NUGGC: variants seen among roughly 807,000 people sequenced by gnomAD.
NUGGC encodes the protein nuclear GTPase SLIP-GC.
A neutral mutation model predicts 92.6 loss-of-function variants in NUGGC; 58 were observed. The observed-to-expected ratio is 0.63, with a 90% CI of 0.51 to 0.78. The LOEUF (loss-of-function observed/expected upper bound fraction) is 0.78. Among genes scored for constraint, NUGGC ranks in the 30% least tolerant of loss-of-function variants. The pLI is 0.00. For missense variants in NUGGC, 925 were observed against 964.6 expected (o/e 0.96, Z 0.54); for synonymous variants, 376 against 366.4 (o/e 1.03, Z -0.30).
chr8:28,031,827 T>C (rs1809424875), intron 14 of NUGGC, among the ~76,000 whole-genome samples: 1 of 152,240 alleles, frequency 6.6e-6, no homozygotes, highest in African/African-American at 2.4e-5. Flanking sequence ...AGCACAGTCG[T>C]TTCAGAATAT....
Position 28,023,455 on chromosome 8 carries a change from C to T in NUGGC, c.2253G>A (p.Gly751=). ...DGLYKELADV[G]SEYKEMEKLH... ...GCTTCTCCATCTCCTTGTATTCACT[C>T]CCGACATCTACAGGAGAGCAGAAAG... is the stretch of plus-strand genomic sequence containing the variant. The change falls in exon 19 of 19, where the codon GGG becomes GGA. Residue 751 remains glycine, a synonymous_variant. Transcript: ENST00000413272. 1 of 1,613,468 alleles carries T rather than the reference C, an allele frequency of 6.2e-7. No individual in the cohort carries two copies. The highest frequency in any genetic ancestry group is 8.5e-7 in the Non-Finnish European group (1 of 1,179,642).
rs1283156957 is a variant in NUGGC at position 28,067,711 on chromosome 8, G to A, written c.514C>T (p.Leu172Phe). ...CTCAGCTCCTCCGTCCTATGCAGGA[G>A]TTTGGTCAGGTTCTTCAGCTCCTCC... ...WREELKNLTK[L>F]LHRTEELSRE... is the part of the protein sequence containing the mutation. Residue 172 changes from leucine to phenylalanine, a missense_variant, in exon 6 of 19, where the codon CTC becomes TTC. By Grantham distance (22) the Leu-to-Phe change is conservative. Transcript: ENST00000413272. The A allele has an allele frequency of 6.2e-7, 1 of 1,613,828 alleles. No homozygotes were observed.
At chr8:28,041,023 C>CT (rs758791472) in intron 13 of NUGGC, 28 bp downstream of exon 13, 4 of 1,574,784 alleles carry the variant, frequency 2.5e-6, no homozygotes, top group Non-Finnish European at 3.5e-6. Flanking sequence ...CCTGGAATAT[C>CT]TGAGTTTTCC....
intron 1 of NUGGC, among the ~76,000 whole-genome samples, chr8:28,075,858 T>A (rs1025496021): frequency 4.6e-5 from 7 of 152,114 alleles, no homozygotes; most frequent in African/African-American, 1.7e-4. Context: ...TCTCCCTTCC[T>A]CCCCTCTGCA....
At chr8:28,023,744 C>A (rs1430694560) in intron 18 of NUGGC, among the ~76,000 whole-genome samples, 1 of 152,150 alleles carries the variant, frequency 6.6e-6, no homozygotes, top group Non-Finnish European at 1.5e-5. Flanking sequence ...AAGCATGTTG[C>A]ACAATAACAC....
chr8:28,049,319 A>C (rs538855370), intron 10 of NUGGC, among the ~76,000 whole-genome samples: 1 of 152,190 alleles, frequency 6.6e-6, no homozygotes, highest in South Asian at 2.1e-4. Context: ...TTGAGTTTTC[A>C]CTCTAGGAAA....
In NUGGC at chr8:28,057,007, G is replaced by A. The variant is rs568898672; in HGVS notation, c.1117-953C>T. 8.9e-4 allele frequency among the ~76,000 whole-genome samples: 136 copies of A among 152,278 alleles called. No individual in the cohort carries two copies. In the Middle Eastern group the frequency reaches 0.01, roughly 11 times the overall value. On this transcript the variant is annotated intron_variant, in intron 9 of 18. Transcript: ENST00000413272. ...GTGAACAACTGCTCCAGTAAATTGC[G>A]TATGGCAATAAAAAGTGAGCTCTTG...
rs374100228 is a variant in NUGGC at position 28,030,393 on chromosome 8, T to C, written c.1934A>G (p.Glu645Gly). The change falls in exon 16 of 19, where the codon GAG (glutamate) becomes GGG (glycine). Residue 645 changes from glutamate (E) to glycine (G), a missense_variant. Coordinates refer to ENST00000413272, the MANE Select transcript of NUGGC (RefSeq NM_001010906.2). ...CCTCTTCCTTCTGAGGATGTGGTCC[T>C]CCAGGCCCCCGAGGATGGCACTTAT... ...QEISAILGGL[E>G]DHILRRKRRI... 2.3e-5 allele frequency: 36 copies of C among 1,575,988 alleles called. No homozygotes were observed. The African/African-American group carries it at 4.6e-4, about 20-fold the overall frequency.
chr8:28,044,095 C>A (rs1411395563), intron 12 of NUGGC, among the ~76,000 whole-genome samples: 1 of 152,156 alleles, frequency 6.6e-6, no homozygotes, highest in Non-Finnish European at 1.5e-5. Flanking sequence ...ACTGCTTACT[C>A]CCACATGGAA....
intron 1 of NUGGC, 130 bp from the exon 2 acceptor site, chr8:28,074,586 A>G: frequency 3.1e-6 from 2 of 641,278 alleles, no homozygotes; most frequent in East Asian, 5.6e-5. Flanking sequence ...ATCCCTCACA[A>G]CACCTAGTAC....
chr8:28,081,203 C>T (rs1810841992), intron 1 of NUGGC, among the ~76,000 whole-genome samples: 1 of 151,974 alleles, frequency 6.6e-6, no homozygotes, highest in South Asian at 2.1e-4. Flanking sequence ...CCTGTAATTC[C>T]AGCTGCTTGG....
At position 28,041,167 on chromosome 8, in the gene NUGGC, C is replaced by T. The variant is rs186338497; in HGVS notation, c.1495G>A (p.Val499Ile). The T allele has an allele frequency of 1.2e-5, 19 of 1,611,332 alleles. No individual in the cohort carries two copies. The highest frequency in any genetic ancestry group is 1.4e-5 in the Non-Finnish European group (17 of 1,178,964). Residue 499 changes from valine to isoleucine, a missense_variant, in exon 13 of 19, where the codon GTT becomes ATT. Physicochemically the swap from Val to Ile is conservative, Grantham distance 29. Coordinates refer to ENST00000413272, the MANE Select transcript of NUGGC (RefSeq NM_001010906.2). The stretch of plus-strand genomic sequence containing the variant: ...GCGATGGCCTTCTCCAGCAGCTCAA[C>T]CTTCTCTTCCGCAAATCTCCGCAGG... Reference protein sequence around the residue: ...SVLRRFAEEKVELLEKAIAQC... With the variant: ...SVLRRFAEEKIELLEKAIAQC...
chr8:28,066,139 G>A (rs1299716968), intron 6 of NUGGC, among the ~76,000 whole-genome samples: 2 of 152,188 alleles, frequency 1.3e-5, no homozygotes, highest in Non-Finnish European at 2.9e-5. Flanking sequence ...TGGCAAAGAC[G>A]TTGATACCCT....
At chr8:28,056,102 C>T in intron 9 of NUGGC, 48 bp from the exon 10 acceptor site, 1 of 1,084,142 alleles carries the variant, frequency 9.2e-7, no homozygotes, top group South Asian at 1.4e-5. Context: ...GCGTTATCAA[C>T]AGTGATGAGG....
At chr8:28,059,812 C>T (rs1049154391) in intron 8 of NUGGC, among the ~76,000 whole-genome samples, 3 of 152,184 alleles carry the variant, frequency 2.0e-5, no homozygotes, top group East Asian at 1.9e-4. Context: ...ACCTGAGGTC[C>T]GGAGTTCAAG....
chr8:28,038,464 C>A (rs1456208565), intron 13 of NUGGC, among the ~76,000 whole-genome samples: 1 of 152,174 alleles, frequency 6.6e-6, no homozygotes, highest in Non-Finnish European at 1.5e-5. Context: ...AACCCTATAA[C>A]ATAGGTACCG....
In NUGGC at chr8:28,075,999, A is replaced by G. The variant is rs74644085; in HGVS notation, c.-46-1543T>C. Among the ~76,000 whole-genome samples, 1,181 of 152,254 alleles carry G rather than the reference A, an allele frequency of 7.8e-3. 28 individuals are homozygous for G. Among genetic ancestry groups the G allele is most frequent in the African/African-American group, 0.027 (1,122 of 41,540 alleles). On this transcript the variant is annotated intron_variant, in intron 1 of 18. Transcript: ENST00000413272. The stretch of plus-strand genomic sequence containing the variant: ...GCAGGTGAATTCCTGCTCTTGCTTC[A>G]AAATCCTGTTCTAGTGTTTCCTCTG...
chr8:28,083,884 G>C lies in NUGGC; in HGVS notation c.-156C>G, dbSNP rs1257186201. ...GGTTCAGGTATTTGGAACCAGCTGG[G>C]GTACGTAGCCCTTTGGGCCACAATC... On this transcript the variant is annotated 5_prime_UTR_variant, in exon 1 of 19. Transcript: ENST00000413272. 1 of 152,060 alleles carries C rather than the reference G, an allele frequency of 6.6e-6. No homozygotes were observed. Among genetic ancestry groups the C allele is most frequent in the Non-Finnish European group, 1.5e-5 (1 of 67,992 alleles). The allele number at this position is 152,060 out of a possible 1,614,324, so 9.4% of individuals were successfully genotyped here.
rs760505110 is a variant in NUGGC, at chr8:28,069,669, G to C, written c.149-17C>G. Reference sequence around the variant, plus strand: ...ATTTTTCATCTGGAATTAACAGAGAGATGTCACCTGCAGGTACCTGGCAGG... The same window carrying C: ...ATTTTTCATCTGGAATTAACAGAGACATGTCACCTGCAGGTACCTGGCAGG... On this transcript the variant is annotated splice_polypyrimidine_tract_variant and intron_variant, in intron 3 of 18. Coordinates refer to ENST00000413272, the MANE Select transcript of NUGGC (RefSeq NM_001010906.2). The C allele has an allele frequency of 7.2e-6, 10 of 1,397,952 alleles. 1 individual carries two copies. In the South Asian group the frequency reaches 1.2e-4, roughly 16 times the overall value. The allele number at this position is 1,397,952 out of a possible 1,614,324, so 86.6% of individuals were successfully genotyped here. A position where few individuals can be genotyped will look rare whatever the true frequency, so the allele number is the denominator to read the frequency against.
Sources: gnomAD v4.1 joint callset for allele counts (sites outside exome capture counted in the v4.1 genomes callset) on GRCh38, gnomAD v4.1.1 for gene constraint, MANE v1.5 for transcripts, NCBI Gene and HGNC (gene_info 2026-07-23, HGNC 2026-07-21) for gene names.